The following RHBDF2 variants were observed in gnomAD, a reference collection of about 807,000 sequenced individuals.
The protein encoded by RHBDF2 is inactive rhomboid protein 2.
A neutral mutation model predicts 95.2 loss-of-function variants in RHBDF2; 38 were observed. That is an observed-to-expected ratio of 0.40 (90% CI 0.31 to 0.52). RHBDF2 has a LOEUF of 0.52. Among genes scored for constraint, RHBDF2 ranks in the 20% least tolerant of loss-of-function variants. The probability of loss-of-function intolerance (pLI) is 0.56; values close to 1 mark genes in which losing one functional copy is unlikely to be tolerated. For missense variants in RHBDF2, 863 were observed against 1,137.7 expected (o/e 0.76, Z 3.47); for synonymous variants, 442 against 462.0 (o/e 0.96, Z 0.55).
chr17:76,477,373 GC>G, intron 7 of RHBDF2, 75 bp from the exon 8 acceptor site: 1 of 1,503,360 alleles, frequency 6.7e-7, no homozygotes, highest in African/African-American at 1.4e-5. Flanking sequence ...CAATTCAAGG[GC>G]AGGACACAGC....
intron 7 of RHBDF2, 22 bp from the exon 8 acceptor site, chr17:76,477,320 TAC>T (rs774783671): frequency 4.4e-6 from 7 of 1,608,908 alleles, no homozygotes; most frequent in Non-Finnish European, 5.9e-6. Flanking sequence ...GACAAGAAAA[TAC>T]AGTGTAAGGA....
At chr17:76,472,215 C>G in intron 18 of RHBDF2, 163 bp from the exon 19 acceptor site, 1 of 656,588 alleles carries the variant, frequency 1.5e-6, no homozygotes, top group Non-Finnish European at 2.6e-6. Context: ...CAAAGCTGGG[C>G]CTGCTCCGCC....
intron 1 of RHBDF2, among the ~76,000 whole-genome samples, chr17:76,489,125 C>A (rs117843688): frequency 1.6e-5 from 2 of 127,172 alleles, no homozygotes; most frequent in South Asian, 5.2e-4. Flanking sequence ...GACTCCGTCT[C>A]GAAACAAAAC....
intron 2 of RHBDF2, among the ~76,000 whole-genome samples, chr17:76,485,195 G>A (rs1044557520): frequency 6.6e-6 from 1 of 152,152 alleles, no homozygotes; most frequent in Admixed American, 6.5e-5. Flanking sequence ...ATCACCTGAG[G>A]TCGGGAGTTC....
At position 76,473,069 on chromosome 17, in the gene RHBDF2, A is replaced by G. The variant is rs200166578; in HGVS notation, c.1846T>C (p.Phe616Leu). Residue 616 changes from phenylalanine (F) to leucine (L), a missense_variant, in exon 17 of 19, where the codon TTC becomes CTC. Around this residue, in one of 2 missense-constraint regions of RHBDF2, gnomAD observed 252 missense variants for 412.2 expected, o/e 0.61. Transcript: ENST00000675367. ...CLDKVCGLLP[F>L]LNPEVPDQFY... Reference sequence around the variant, plus strand: ...TGATCTGGGACCTCAGGGTTGAGGAAGGGCAGCAGCCCACACACCTTGTCC... The same window carrying G: ...TGATCTGGGACCTCAGGGTTGAGGAGGGGCAGCAGCCCACACACCTTGTCC... 2.5e-6 allele frequency: 4 copies of G among 1,614,100 alleles called. No homozygotes were observed. The Admixed American group carries it at 5.0e-5, about 20-fold the overall frequency.
rs117076148 is a variant in RHBDF2, at chr17:76,491,544, C to T, written c.-219-3635G>A. Among the ~76,000 whole-genome samples the T allele has an allele frequency of 1.9e-4, 29 of 152,330 alleles. No homozygotes were observed. The East Asian group carries it at 3.7e-3, about 19-fold the overall frequency. On this transcript the variant is annotated intron_variant, in intron 1 of 18. Coordinates refer to ENST00000675367, the MANE Select transcript of RHBDF2 (RefSeq NM_001005498.4). ...CTGGCATCGGGAGTGCCATCTGAAC[C>T]GCAGAGCACAAGAGGCCTGGGCAGC...
intron 2 of RHBDF2, among the ~76,000 whole-genome samples, chr17:76,486,349 T>C (rs1257985041): frequency 6.6e-6 from 1 of 152,138 alleles, no homozygotes; most frequent in Non-Finnish European, 1.5e-5. Context: ...ACCTCAAGTT[T>C]GCTTCGGCCT....
In RHBDF2 at chr17:76,473,341, G is replaced by A. The variant is rs754509395; in HGVS notation, c.1734-14C>T. On this transcript the variant is annotated splice_polypyrimidine_tract_variant and intron_variant, in intron 15 of 18. Coordinates refer to ENST00000675367, the MANE Select transcript of RHBDF2 (RefSeq NM_001005498.4). ...GTGATCTCACAGCTAAGGGGGTGGT[G>A]AGGCAAGAGGGGACATCAGGGCGCC... 3.7e-6 allele frequency: 6 copies of A among 1,605,130 alleles called. No homozygotes were observed. The highest frequency in any genetic ancestry group is 1.1e-5 in the South Asian group (1 of 89,720).
At chr17:76,477,385 T>TTA in intron 7 of RHBDF2, 87 bp from the exon 8 acceptor site, 1 of 1,448,474 alleles carries the variant, frequency 6.9e-7, no homozygotes, top group Non-Finnish European at 9.3e-7. Context: ...AGGACACAGC[T>TTA]GAACAGACGG....
In RHBDF2 at chr17:76,471,784, A is replaced by G. The variant is rs937545016; in HGVS notation, c.2333T>C (p.Val778Ala). 2.5e-6 allele frequency: 4 copies of G among 1,608,116 alleles called. No homozygotes were observed. Among genetic ancestry groups the G allele is most frequent in the Non-Finnish European group, 2.5e-6 (3 of 1,177,334 alleles). Reference protein sequence around the residue: ...DKYRKRALILVSLLAFAGLFA... With the variant: ...DKYRKRALILASLLAFAGLFA... ...GAGGCCGGCAAAGGCCAGCAGTGAC[A>G]CCAGGATGAGTGCCCGCTTGCGGTA... is the stretch of plus-strand genomic sequence containing the variant. Residue 778 changes from valine (V) to alanine (A), a missense_variant, in exon 19 of 19, where the codon GTG becomes GCG. Transcript: ENST00000675367.
chr17:76,479,417 T>G (rs1057002123), intron 4 of RHBDF2, 140 bp from the exon 5 acceptor site: 2 of 1,222,942 alleles, frequency 1.6e-6, no homozygotes, highest in African/African-American at 3.0e-5. Context: ...GGCCCCTGGC[T>G]GGAGCCCAGT....
At chr17:76,489,464 C>T (rs2144350139) in intron 1 of RHBDF2, among the ~76,000 whole-genome samples, 1 of 151,972 alleles carries the variant, frequency 6.6e-6, no homozygotes, top group South Asian at 2.1e-4. Context: ...GCTGGGACTA[C>T]AGACGCCCGC....
At chr17:76,479,499 T>C (rs899043172) in intron 4 of RHBDF2, 2 of 778,180 alleles carry the variant, frequency 2.6e-6, no homozygotes, top group Admixed American at 2.0e-5. Context: ...ACCCCCACAC[T>C]GATCCACCCA....
chr17:76,476,756 G>C (rs1046277390), intron 9 of RHBDF2, 74 bp downstream of exon 9: 1 of 1,480,378 alleles, frequency 6.8e-7, no homozygotes. Flanking sequence ...AATGAGTAAG[G>C]GGGCGCTTCA....
At chr17:76,481,672 C>T (rs144852735) in intron 2 of RHBDF2, 127 bp from the exon 3 acceptor site, 40 of 820,962 alleles carry the variant, frequency 4.9e-5, no homozygotes, top group Non-Finnish European at 5.9e-5. Context: ...CATCTCTGGG[C>T]GGCTGGGCGC....
At chr17:76,477,534 C>T in intron 7 of RHBDF2, 123 bp downstream of exon 7, 1 of 1,219,232 alleles carries the variant, frequency 8.2e-7, no homozygotes, top group African/African-American at 1.5e-5. Flanking sequence ...AGGACCATGC[C>T]ACATCCCAGC....
At chr17:76,486,732 T>TAAATAAATAAATAAATAAATAAATAAAA (rs1359361388) in intron 2 of RHBDF2, among the ~76,000 whole-genome samples, 1 of 151,852 alleles carries the variant, frequency 6.6e-6, no homozygotes, top group African/African-American at 2.4e-5. Context: ...AATAAATAAA[T>TAAATAAATAAATAAATAAATAAATAAAA]AAAAACACTG....
Position 76,479,768 on chromosome 17 carries a change from G to C in RHBDF2, c.237C>G (p.Phe79Leu), listed in dbSNP as rs764563223. ...WQESSEKRPG[F>L]RRQASLSQSI... ...TCTGGGACAGTGAGGCCTGGCGGCG[G>C]AAGCCAGGGCGCTTCTCTGAACTCT... Residue 79 changes from phenylalanine to leucine, a missense_variant, in exon 4 of 19, where the codon TTC (phenylalanine) becomes TTG (leucine). Transcript: ENST00000675367. The C allele has an allele frequency of 9.3e-6, 15 of 1,612,506 alleles. No individual in the cohort carries two copies. The highest frequency in any genetic ancestry group is 8.3e-5 in the Admixed American group (5 of 59,934).
At chr17:76,478,754 A>G in intron 6 of RHBDF2, 52 bp downstream of exon 6, 1 of 1,478,774 alleles carries the variant, frequency 6.8e-7, no homozygotes, top group South Asian at 1.2e-5. Flanking sequence ...AGGGAGGGGC[A>G]AGGAAGGGAG....
Sources: gnomAD v4.1 joint callset for allele counts (sites outside exome capture counted in the v4.1 genomes callset) on GRCh38, gnomAD v4.1.1 for gene constraint, gnomAD v4.1.1 regional missense constraint, MANE v1.5 for transcripts, NCBI Gene and HGNC (gene_info 2026-07-23, HGNC 2026-07-21) for gene names.